Variants in ERC1 observed in about 807,000 individuals in gnomAD.
ERC1 encodes RAB6 interacting protein 2.
In ERC1, 56 loss-of-function variants were observed where a neutral mutation model predicts 132.0. That is an observed-to-expected ratio of 0.42 (90% CI 0.34 to 0.53). The LOEUF (loss-of-function observed/expected upper bound fraction) is 0.53, where lower values mean the gene tolerates loss of function less well. Among genes scored for constraint, ERC1 ranks in the 20% least tolerant of loss-of-function variants. The pLI is 0.03. For missense variants in ERC1, 1,202 were observed against 1,349.9 expected (o/e 0.89, Z 1.72); for synonymous variants, 478 against 476.1 (o/e 1.00, Z -0.05).
At chr12:1,334,875 T>A (rs552392759) in intron 15 of ERC1, among the ~76,000 whole-genome samples, 19 of 152,238 alleles carry the variant, frequency 1.2e-4, no homozygotes, top group Admixed American at 2.0e-4. Context: ...GGAATGTTTT[T>A]CCATTTGTTT....
At chr12:1,147,073 G>A (rs953064575) in intron 8 of ERC1, among the ~76,000 whole-genome samples, 5 of 152,136 alleles carry the variant, frequency 3.3e-5, no homozygotes, top group East Asian at 1.9e-4. Flanking sequence ...GAATAGTGCC[G>A]CAATAAACAT....
chr12:1,092,340 C>A (rs376584858), intron 3 of ERC1, among the ~76,000 whole-genome samples: 2 of 152,110 alleles, frequency 1.3e-5, no homozygotes, highest in Non-Finnish European at 2.9e-5. Context: ...CCTGTTTTAA[C>A]AATGAAATTG....
chr12:1,361,964 C>T (rs1174862651), intron 15 of ERC1, among the ~76,000 whole-genome samples: 2 of 152,144 alleles, frequency 1.3e-5, no homozygotes, highest in African/African-American at 4.8e-5. Flanking sequence ...TAAAGTCATT[C>T]TGTTTTTCCA....
intron 1 of ERC1, among the ~76,000 whole-genome samples, chr12:1,017,719 G>A (rs1401187974): frequency 2.6e-5 from 4 of 151,026 alleles, no homozygotes; most frequent in Admixed American, 6.6e-5. Context: ...GGCTGGCCTC[G>A]AGCTCCTGGT....
chr12:1,417,632 T>C (rs1353631292), intron 17 of ERC1, among the ~76,000 whole-genome samples: 3 of 151,940 alleles, frequency 2.0e-5, no homozygotes, highest in Non-Finnish European at 4.4e-5. Context: ...AATATAAAAA[T>C]TAGCTGGGTG....
At chr12:1,271,377 A>G (rs1386140115) in intron 14 of ERC1, among the ~76,000 whole-genome samples, 1 of 152,218 alleles carries the variant, frequency 6.6e-6, no homozygotes, top group African/African-American at 2.4e-5. Context: ...TGGATAAAGG[A>G]TAGAAGAGAA....
intron 7 of ERC1, among the ~76,000 whole-genome samples, chr12:1,119,932 A>G (rs1009253275): frequency 6.6e-6 from 1 of 152,156 alleles, no homozygotes; most frequent in African/African-American, 2.4e-5. Context: ...TAAGGTTTTT[A>G]TGACTAGGTG....
At chr12:990,934 C>CGTGTGTGTGTGTGTGTGTGTGTGTGT (rs758442595), upstream of ERC1, 49 of 99,402 alleles carry the variant, frequency 4.9e-4, no homozygotes, top group African/African-American at 1.5e-3. Context: ...CCGCAGGGGT[C>CGTGTGTGTGTGTGTGTGTGTGTGTGT]GTGTGTGTGT....
At chr12:1,333,091 C>CGTCCTGATCCTT (rs2083001691) in intron 15 of ERC1, among the ~76,000 whole-genome samples, 1 of 147,114 alleles carries the variant, frequency 6.8e-6, no homozygotes, top group African/African-American at 2.5e-5. Context: ...TCCTGATCCT[C>CGTCCTGATCCTT]GTCCTCCTCT....
chr12:1,050,031 C>G (rs952558341), intron 2 of ERC1, among the ~76,000 whole-genome samples: 2 of 152,202 alleles, frequency 1.3e-5, no homozygotes, highest in African/African-American at 4.8e-5. Flanking sequence ...GCGTGAGCCA[C>G]TGCGCCCGGC....
intron 6 of ERC1, among the ~76,000 whole-genome samples, chr12:1,113,701 A>T (rs1452500956): frequency 6.6e-6 from 1 of 152,250 alleles, no homozygotes; most frequent in African/African-American, 2.4e-5. Context: ...AGGTTGATCA[A>T]TAACTTCCTT....
intron 7 of ERC1, among the ~76,000 whole-genome samples, chr12:1,131,934 C>G (rs749071831): frequency 2.0e-5 from 3 of 152,142 alleles, no homozygotes; most frequent in Non-Finnish European, 4.4e-5. Flanking sequence ...GAATGCTGTT[C>G]CTGCAGCTCT....
At chr12:1,344,833 A>G (rs1007998519) in intron 15 of ERC1, among the ~76,000 whole-genome samples, 4 of 152,226 alleles carry the variant, frequency 2.6e-5, no homozygotes, top group African/African-American at 7.2e-5. Context: ...AAGGAAGTTC[A>G]GGAAGCTGCT....
At chr12:1,312,187 C>T (rs2081357450) in intron 15 of ERC1, among the ~76,000 whole-genome samples, 1 of 152,096 alleles carries the variant, frequency 6.6e-6, no homozygotes, top group Non-Finnish European at 1.5e-5. Context: ...TCACATACCC[C>T]ATATTGACTT....
At chr12:1,193,485 CATAT>C (rs1271364976) in intron 12 of ERC1, among the ~76,000 whole-genome samples, 7 of 151,786 alleles carry the variant, frequency 4.6e-5, no homozygotes, top group Non-Finnish European at 1.5e-5. Flanking sequence ...TATATACACA[CATAT>C]ATAAACACAC....
chr12:1,445,520 C>T (rs769606448), intron 18 of ERC1, among the ~76,000 whole-genome samples: 6 of 152,054 alleles, frequency 3.9e-5, no homozygotes, highest in East Asian at 1.9e-4. Flanking sequence ...CGTGATTCAC[C>T]GCGCCCGGCC....
intron 1 of ERC1, among the ~76,000 whole-genome samples, chr12:1,020,185 A>C (rs889426380): frequency 1.3e-5 from 2 of 152,216 alleles, no homozygotes; most frequent in East Asian, 1.9e-4. Flanking sequence ...GGCTGGACAC[A>C]GTGGCTCATG....
intron 16 of ERC1, among the ~76,000 whole-genome samples, chr12:1,402,608 AC>A (rs1293561968): frequency 1.6e-5 from 2 of 122,270 alleles, no homozygotes; most frequent in East Asian, 4.5e-4. Context: ...TATCTGTGTA[AC>A]CCCCAACACA....
At chr12:1,388,267 G>T (rs2089591984) in intron 16 of ERC1, among the ~76,000 whole-genome samples, 1 of 150,332 alleles carries the variant, frequency 6.7e-6, no homozygotes. Flanking sequence ...GGAGAATGGT[G>T]TGAACCCGGG....
Sources: gnomAD v4.1 joint callset for allele counts (sites outside exome capture counted in the v4.1 genomes callset) on GRCh38, gnomAD v4.1.1 for gene constraint, MANE v1.5 for transcripts, NCBI Gene and HGNC (gene_info 2026-07-23, HGNC 2026-07-21) for gene names.